TMEM165: variants seen among roughly 807,000 people sequenced by gnomAD.
The protein encoded by TMEM165 is transmembrane protein 165, also known as putative divalent cation/proton antiporter TMEM165.
Under a neutral mutation model 30.0 loss-of-function variants are expected in TMEM165, and 19 were observed. The ratio of observed to expected loss-of-function variants is 0.63; its 90% CI spans 0.44 to 0.93. The LOEUF (loss-of-function observed/expected upper bound fraction) is 0.93. Ranked by LOEUF, TMEM165 falls within the 40% of genes least tolerant of loss-of-function variation. The pLI is 0.00. For synonymous variants in TMEM165, 168 were observed against 162.9 expected (o/e 1.03, Z -0.24); for missense variants, 340 against 417.0 (o/e 0.82, Z 1.61).
rs1448900114 is a variant in TMEM165, at chr4:55,403,745, G to T, written c.207+7349G>T. Among the ~76,000 whole-genome samples the T allele has an allele frequency of 3.8e-4, 58 of 152,120 alleles. 1 individual carries two copies. Among genetic ancestry groups the T allele is most frequent in the Non-Finnish European group, 1.3e-4 (9 of 68,002 alleles). On this transcript the variant is annotated intron_variant, in intron 1 of 5. Coordinates refer to ENST00000381334, the MANE Select transcript of TMEM165 (RefSeq NM_018475.5). ...ATAGTGGAATACCAAAATTGAAATT[G>T]CACACTGCATCTAATCCTGTATGCA...
chr4:55,421,991 G>C (rs1721995231), intron 4 of TMEM165, among the ~76,000 whole-genome samples: 1 of 152,142 alleles, frequency 6.6e-6, no homozygotes, highest in South Asian at 2.1e-4. Flanking sequence ...AGAGGACTTG[G>C]CTGTGATGGG....
intron 1 of TMEM165, among the ~76,000 whole-genome samples, chr4:55,402,389 G>A (rs1328944318): frequency 8.6e-5 from 1 of 11,676 alleles, no homozygotes; most frequent in Admixed American, 1.2e-3. Context: ...AAGTGCGTGC[G>A]TGTGTGTGTG....
chr4:55,411,941 GC>G (rs993140124), intron 2 of TMEM165, 102 bp downstream of exon 2: 1 of 1,114,240 alleles, frequency 9.0e-7, no homozygotes, highest in African/African-American at 1.5e-5. Flanking sequence ...TGGGAATTTG[GC>G]TTACACCTTA....
At chr4:55,400,681 C>A (rs1720964959) in intron 1 of TMEM165, among the ~76,000 whole-genome samples, 2 of 149,568 alleles carry the variant, frequency 1.3e-5, no homozygotes, top group South Asian at 4.1e-4. Context: ...GGTGATCCGC[C>A]TGCCTCGGCC....
At chr4:55,416,970 C>A (rs1721757239) in intron 2 of TMEM165, 102 bp from the exon 3 acceptor site, 2 of 1,007,820 alleles carry the variant, frequency 2.0e-6, no homozygotes, top group Non-Finnish European at 1.4e-6. Flanking sequence ...TAATGTGAAC[C>A]ATTTTTCTTT....
exon 4 of TMEM165, chr4:55,453,265 A>C: frequency 2.8e-6 from 2 of 713,086 alleles, no homozygotes; most frequent in Admixed American, 2.3e-5. Context: ...CAAACCTAAA[A>C]TATACCTATA....
chr4:55,452,605 T>C (rs2412646), exon 4 of TMEM165: 102,040 of 172,352 alleles, frequency 0.59, 31,980 homozygotes, highest in South Asian at 0.8. Context: ...TAATATACTA[T>C]ACTTCTGACC....
intron 3 of TMEM165, 129 bp from the exon 4 acceptor site, chr4:55,417,674 G>C: frequency 1.4e-6 from 1 of 735,344 alleles, no homozygotes; most frequent in South Asian, 2.0e-5. Flanking sequence ...GGAGGTTTGG[G>C]GGTCACATAA....
At chr4:55,435,072 G>A (rs1362221074) in intron 3 of TMEM165, 1 of 343,604 alleles carries the variant, frequency 2.9e-6, no homozygotes, top group East Asian at 7.3e-5. Context: ...ACCACTAAAA[G>A]TTACTAACAT....
chr4:55,441,712 T>C (rs79665195), intron 3 of TMEM165, among the ~76,000 whole-genome samples: 4,258 of 152,186 alleles, frequency 0.028, 209 homozygotes, highest in African/African-American at 0.097. Context: ...AGTGATATAA[T>C]AGACTTTGGA....
chr4:55,441,372 A>G (rs984186704), intron 3 of TMEM165, among the ~76,000 whole-genome samples: 1 of 152,212 alleles, frequency 6.6e-6, no homozygotes, highest in African/African-American at 2.4e-5. Context: ...CAGCAATCCC[A>G]CTACTGGGTA....
At chr4:55,397,153 C>T (rs1170077736) in intron 1 of TMEM165, 1 of 152,272 alleles carries the variant, frequency 6.6e-6, no homozygotes, top group Non-Finnish European at 1.5e-5. Flanking sequence ...GTATCTGCTC[C>T]CTGAATCCCG....
In TMEM165 at chr4:55,442,669, A is replaced by G. The variant is rs779202003; in HGVS notation, c.409-9570A>G. ...ATAAAGAGATTTTATAGACAGATTA[A>G]CTGAAAATAATTATTTGGGAAGTAT... On this transcript the variant is annotated intron_variant, in intron 3 of 3. Coordinates refer to the TMEM165 transcript ENST00000608091. 1.8e-5 allele frequency: 28 copies of G among 1,536,310 alleles called. No homozygotes were observed. In the South Asian group the frequency reaches 2.8e-4, roughly 15 times the overall value.
At chr4:55,438,676 T>C in intron 3 of TMEM165, 2 of 1,281,986 alleles carry the variant, frequency 1.6e-6, no homozygotes, top group Non-Finnish European at 2.1e-6. Flanking sequence ...TATTCCTACT[T>C]TGTTTCATTT....
intron 4 of TMEM165, among the ~76,000 whole-genome samples, chr4:55,420,106 A>AAAAAAAAAAAAAAAAATAT (rs1474254120): frequency 4.4e-5 from 2 of 45,400 alleles, no homozygotes; most frequent in African/African-American, 8.3e-5. Context: ...AAGAAAAAAA[A>AAAAAAAAAAAAAAAAATAT]ATATATATAT....
downstream of TMEM165, chr4:55,428,591 G>A (rs868755591): frequency 1.1e-4 from 16 of 152,082 alleles, no homozygotes; most frequent in Non-Finnish European, 1.9e-4. Context: ...TCAATTAGCC[G>A]TTTTTAGCTC....
At position 55,396,380 on chromosome 4, in the gene TMEM165, A is replaced by T; in HGVS notation, c.191A>T (p.Glu64Val). The change falls in exon 1 of 6, where the codon GAG becomes GTG. Residue 64 changes from glutamate (E) to valine (V), a missense_variant. Glu to Val is a moderately radical substitution (Grantham distance 121). Around this residue, in one of 2 missense-constraint regions of TMEM165, gnomAD observed 120 missense variants for 109.4 expected, o/e 1.10. Coordinates refer to ENST00000381334, the MANE Select transcript of TMEM165 (RefSeq NM_018475.5). ...CAGCCTGTGGCTGTGCAGGGCCCCG[A>T]GCCGGCCCGGGTCGAGGTGAGCGGG... The part of the protein sequence containing the change: ...QPQPVAVQGP[E>V]PARVEKIFTP... The T allele has an allele frequency of 1.3e-6, 2 of 1,494,412 alleles. No individual in the cohort carries two copies. Among genetic ancestry groups the T allele is most frequent in the Non-Finnish European group, 8.9e-7 (1 of 1,127,556 alleles). 92.6% of individuals were successfully genotyped at this position (1,494,412 alleles called of 1,614,324 possible). A position where few individuals can be genotyped will look rare whatever the true frequency, so the allele number is the denominator to read the frequency against.
At chr4:55,397,506 A>G (rs1720773301) in intron 1 of TMEM165, 2 of 152,118 alleles carry the variant, frequency 1.3e-5, no homozygotes, top group Admixed American at 6.6e-5. Context: ...AAAAAAAAAA[A>G]AGACCTGGAG....
chr4:55,406,842 TG>T (rs1449837907), intron 1 of TMEM165, among the ~76,000 whole-genome samples: 1 of 152,076 alleles, frequency 6.6e-6, no homozygotes, highest in Non-Finnish European at 1.5e-5. Context: ...TTGTATTTTT[TG>T]TAGAGACAGG....
Sources: gnomAD v4.1 joint callset for allele counts (sites outside exome capture counted in the v4.1 genomes callset) on GRCh38, gnomAD v4.1.1 for gene constraint, gnomAD v4.1.1 regional missense constraint, MANE v1.5 for transcripts, NCBI Gene and HGNC (gene_info 2026-07-23, HGNC 2026-07-21) for gene names.